Variants in NRXN3 observed in about 807,000 individuals in gnomAD.
NRXN3 encodes neurexin 3, also known as neurexin III.
Under a neutral mutation model 137.6 loss-of-function variants are expected in NRXN3, and 32 were observed. The observed-to-expected ratio is 0.23, with a 90% CI of 0.18 to 0.31. NRXN3 has a LOEUF of 0.31. NRXN3 is among the 10% of genes least tolerant of loss of function. NRXN3 has a pLI of 1.00. For synonymous variants in NRXN3, 798 were observed against 784.5 expected (o/e 1.02, Z -0.29); for missense variants, 1,574 against 2,062.5 (o/e 0.76, Z 4.59).
At chr14:78,278,152 C>T (rs917681831) in intron 2 of NRXN3, among the ~76,000 whole-genome samples, 1 of 152,138 alleles carries the variant, frequency 6.6e-6, no homozygotes, top group African/African-American at 2.4e-5. Flanking sequence ...GCTCTTAATT[C>T]TTATGCCTCT....
chr14:78,369,923 G>T (rs865918234), intron 4 of NRXN3, among the ~76,000 whole-genome samples: 36 of 75,618 alleles, frequency 4.8e-4, no homozygotes, highest in Middle Eastern at 5.7e-3. Context: ...ATACTCATTA[G>T]CCTGGTTAAA....
intron 15 of NRXN3, among the ~76,000 whole-genome samples, chr14:79,410,911 T>C (rs904143744): frequency 2.0e-5 from 3 of 152,164 alleles, no homozygotes; most frequent in Non-Finnish European, 4.4e-5. Context: ...ATAGCTATTT[T>C]GAGTCTTCAG....
intron 19 of NRXN3, among the ~76,000 whole-genome samples, chr14:79,804,911 C>T (rs547354440): frequency 6.5e-4 from 99 of 152,278 alleles, no homozygotes; most frequent in African/African-American, 2.0e-3. Flanking sequence ...CCCCCTAAGA[C>T]GGTCTAGACC....
At chr14:78,303,209 T>C (rs2153533534) in intron 4 of NRXN3, among the ~76,000 whole-genome samples, 1 of 152,332 alleles carries the variant, frequency 6.6e-6, no homozygotes, top group African/African-American at 2.4e-5. Flanking sequence ...CATCCCCTTT[T>C]TTCTGCCCAT....
Position 79,491,050 on chromosome 14 carries a change from G to T in NRXN3, c.3444+23648G>T, listed in dbSNP as rs77482923. On this transcript the variant is annotated intron_variant, in intron 16 of 20. Transcript: ENST00000335750. ...CTTCTCAAGCACTGACTGAGTGCCA[G>T]GGTGTATATGTATGTGAGTATGTGC... Among the ~76,000 whole-genome samples, 588 of 152,274 alleles carry T rather than the reference G, an allele frequency of 3.9e-3. 17 individuals carry two copies. The South Asian group carries it at 0.073, about 19-fold the overall frequency.
At chr14:78,625,971 G>T (rs1237767792) in intron 4 of NRXN3, among the ~76,000 whole-genome samples, 1 of 152,178 alleles carries the variant, frequency 6.6e-6, no homozygotes, top group Non-Finnish European at 1.5e-5. Context: ...CACAACACTT[G>T]TCTCTGAGTT....
At chr14:79,502,117 A>G (rs1329854756) in intron 16 of NRXN3, among the ~76,000 whole-genome samples, 1 of 152,222 alleles carries the variant, frequency 6.6e-6, no homozygotes, top group Non-Finnish European at 1.5e-5. Flanking sequence ...TCATTGACCA[A>G]CTGCAGGTCT....
At chr14:78,954,894 T>C (rs17835908) in intron 10 of NRXN3, among the ~76,000 whole-genome samples, 9,050 of 150,806 alleles carry the variant, frequency 0.06, 399 homozygotes, top group Admixed American at 0.085. Flanking sequence ...AAGGATACCA[T>C]AAGAGCTGAT....
At chr14:78,537,009 A>G (rs1249706080) in intron 4 of NRXN3, among the ~76,000 whole-genome samples, 1 of 152,062 alleles carries the variant, frequency 6.6e-6, no homozygotes, top group African/African-American at 2.4e-5. Flanking sequence ...TCTATCATTG[A>G]TGGACATTTG....
At chr14:79,822,232 C>T (rs1277744116) in intron 20 of NRXN3, among the ~76,000 whole-genome samples, 2 of 152,142 alleles carry the variant, frequency 1.3e-5, no homozygotes, top group African/African-American at 4.8e-5. Flanking sequence ...ATTAAGCAAC[C>T]TAGAGTACTG....
chr14:79,518,378 T>C (rs996987511), intron 16 of NRXN3, among the ~76,000 whole-genome samples: 1 of 152,080 alleles, frequency 6.6e-6, no homozygotes, highest in Non-Finnish European at 1.5e-5. Flanking sequence ...ACATGATCTG[T>C]CTCTCCTTTT....
At chr14:79,208,075 A>G (rs2067062809) in intron 15 of NRXN3, among the ~76,000 whole-genome samples, 2 of 152,216 alleles carry the variant, frequency 1.3e-5, no homozygotes, top group Non-Finnish European at 2.9e-5. Context: ...TAAAGGAACC[A>G]GATTATCATA....
intron 4 of NRXN3, among the ~76,000 whole-genome samples, chr14:78,474,338 C>CTGGG (rs1567694205): frequency 6.6e-6 from 1 of 152,064 alleles, no homozygotes; most frequent in Non-Finnish European, 1.5e-5. Context: ...GGATAGCTGT[C>CTGGG]CCAGACCTTA....
chr14:78,173,838 C>T (rs1393435260), intron 1 of NRXN3, among the ~76,000 whole-genome samples: 4 of 150,644 alleles, frequency 2.7e-5, no homozygotes, highest in Non-Finnish European at 5.9e-5. Context: ...CTTGCACACA[C>T]AGTCTCTGTC....
intron 6 of NRXN3, among the ~76,000 whole-genome samples, chr14:78,658,694 T>G (rs1417372041): frequency 6.6e-6 from 1 of 152,234 alleles, no homozygotes; most frequent in East Asian, 1.9e-4. Flanking sequence ...TGTAGAGACC[T>G]TCTTGTAAAT....
At chr14:79,441,037 A>G (rs1395553084) in intron 15 of NRXN3, among the ~76,000 whole-genome samples, 2 of 152,224 alleles carry the variant, frequency 1.3e-5, no homozygotes, top group African/African-American at 4.8e-5. Flanking sequence ...ATAATTGACC[A>G]ATGTGGCAAG....
At chr14:78,898,818 C>G (rs892445658) in intron 10 of NRXN3, among the ~76,000 whole-genome samples, 1 of 151,890 alleles carries the variant, frequency 6.6e-6, no homozygotes, top group East Asian at 1.9e-4. Context: ...TAGGGAACAT[C>G]TTGGTCTAGC....
At chr14:79,022,831 G>A (rs2099591866) in intron 15 of NRXN3, among the ~76,000 whole-genome samples, 1 of 152,162 alleles carries the variant, frequency 6.6e-6, no homozygotes, top group African/African-American at 2.4e-5. Flanking sequence ...CAGCCACCAT[G>A]TCTTCATTAG....
intron 8 of NRXN3, among the ~76,000 whole-genome samples, chr14:78,783,677 G>C (rs534661411): frequency 6.6e-6 from 1 of 152,114 alleles, no homozygotes; most frequent in South Asian, 2.1e-4. Flanking sequence ...AAATAAAAAA[G>C]TTTAAAACAA....
Sources: gnomAD v4.1 joint callset for allele counts (sites outside exome capture counted in the v4.1 genomes callset) on GRCh38, gnomAD v4.1.1 for gene constraint, MANE v1.5 for transcripts, NCBI Gene and HGNC (gene_info 2026-07-23, HGNC 2026-07-21) for gene names.